The following PTGER4 variants were observed in gnomAD, a reference collection of about 807,000 sequenced individuals.
PTGER4 encodes prostaglandin E receptor 4, also known as prostaglandin E2 receptor EP4 subtype.
In PTGER4, 11 loss-of-function variants were observed where a neutral mutation model predicts 33.2. The observed-to-expected ratio is 0.33, with a 90% CI of 0.21 to 0.55. The LOEUF is 0.55. Among genes scored for constraint, PTGER4 ranks in the 20% least tolerant of loss-of-function variants. The pLI is 0.92. For synonymous variants in PTGER4, 275 were observed against 281.5 expected, an observed-to-expected ratio of 0.98 and a Z score of 0.23; for missense variants, 481 against 650.2, an observed-to-expected ratio of 0.74 and a Z score of 2.83.
the PTGER4 span, among the ~76,000 whole-genome samples, chr5:40,728,690 G>T: frequency 6.6e-6 from 1 of 152,036 alleles, no homozygotes; most frequent in South Asian, 2.1e-4. Flanking sequence ...TCCCTTTCCA[G>T]TTATTGAATC....
the PTGER4 span, among the ~76,000 whole-genome samples, chr5:40,709,359 A>T: frequency 6.6e-6 from 1 of 152,198 alleles, no homozygotes; most frequent in Non-Finnish European, 1.5e-5. Flanking sequence ...ATCAATGTGC[A>T]AAAATCACAA....
At chr5:40,740,093 T>C in the PTGER4 span, among the ~76,000 whole-genome samples, 18 of 152,174 alleles carry the variant, frequency 1.2e-4, no homozygotes, top group Non-Finnish European at 2.5e-4. Flanking sequence ...TATCCCTTCA[T>C]GCTATCTATT....
At chr5:40,708,586 C>T in the PTGER4 span, among the ~76,000 whole-genome samples, 2 of 152,116 alleles carry the variant, frequency 1.3e-5, no homozygotes, top group Non-Finnish European at 1.5e-5. Flanking sequence ...GATTCACAGC[C>T]GAATTCTACC....
At position 40,682,260 on chromosome 5, in the gene PTGER4, G is replaced by C. The variant is rs1185476196; in HGVS notation, c.867+400G>C. Among the ~76,000 whole-genome samples the C allele has an allele frequency of 2.0e-5, 3 of 152,308 alleles. 1 individual carries two copies. In the South Asian group the frequency reaches 6.2e-4, roughly 32 times the overall value. On this transcript the variant is annotated intron_variant, in intron 2 of 2. Coordinates refer to ENST00000302472, the MANE Select transcript of PTGER4 (RefSeq NM_000958.3). ...CTGTGAACTGTGAACTGCAAAACCT[G>C]AAATGTCAGGGATGGTGATCTGTTC...
chr5:40,719,320 T>C, the PTGER4 span, among the ~76,000 whole-genome samples: 6 of 152,258 alleles, frequency 3.9e-5, no homozygotes, highest in Non-Finnish European at 7.3e-5. Context: ...CATACAGCCT[T>C]TTATGTCTGG....
intron 2 of PTGER4, among the ~76,000 whole-genome samples, chr5:40,687,239 T>C (rs573902574): frequency 1.3e-5 from 2 of 152,158 alleles, no homozygotes; most frequent in South Asian, 2.1e-4. Context: ...GAGACTGGGT[T>C]TCTCCATGTT....
At chr5:40,718,610 C>T in the PTGER4 span, among the ~76,000 whole-genome samples, 2 of 151,876 alleles carry the variant, frequency 1.3e-5, no homozygotes, top group Admixed American at 6.6e-5. Flanking sequence ...CATGGTGGCA[C>T]CCTCCACGTG....
At chr5:40,694,634 G>C (rs1251323806), downstream of PTGER4, among the ~76,000 whole-genome samples, 2 of 149,700 alleles carry the variant, frequency 1.3e-5, no homozygotes, top group Non-Finnish European at 2.9e-5. Context: ...CTCCTTATAA[G>C]GACACTAGTC....
chr5:40,686,550 A>G (rs1741327734), intron 2 of PTGER4, among the ~76,000 whole-genome samples: 1 of 152,226 alleles, frequency 6.6e-6, no homozygotes, highest in South Asian at 2.1e-4. Flanking sequence ...ATAAGGGCAG[A>G]GCCAGGATTT....
At chr5:40,726,833 G>T in the PTGER4 span, among the ~76,000 whole-genome samples, 14 of 151,986 alleles carry the variant, frequency 9.2e-5, no homozygotes, top group Non-Finnish European at 1.2e-4. Flanking sequence ...AATAAGGGAG[G>T]CAAGGAAAAA....
the PTGER4 span, among the ~76,000 whole-genome samples, chr5:40,722,809 G>A: frequency 8.6e-5 from 13 of 150,936 alleles, no homozygotes; most frequent in African/African-American, 1.5e-4. Context: ...CCGCCCATCC[G>A]GGAGGTGGGG....
downstream of PTGER4, among the ~76,000 whole-genome samples, chr5:40,695,658 G>A (rs1741572318): frequency 6.6e-6 from 1 of 152,190 alleles, no homozygotes; most frequent in South Asian, 2.1e-4. Context: ...GTTGCAGTGA[G>A]CCAAGATCGG....
chr5:40,709,856 G>C, the PTGER4 span, among the ~76,000 whole-genome samples: 1 of 152,300 alleles, frequency 6.6e-6, no homozygotes, highest in African/African-American at 2.4e-5. Context: ...ATGGTGCTGG[G>C]AAAACTGGCT....
chr5:40,725,420 A>C, the PTGER4 span, among the ~76,000 whole-genome samples: 2 of 152,218 alleles, frequency 1.3e-5, no homozygotes, highest in Non-Finnish European at 2.9e-5. Context: ...TTTCTAATTA[A>C]AGATTTGCTC....
the PTGER4 span, among the ~76,000 whole-genome samples, chr5:40,743,021 T>C: frequency 6.6e-6 from 1 of 152,206 alleles, no homozygotes; most frequent in African/African-American, 2.4e-5. Context: ...GATAAATTCC[T>C]TACTGTCCTG....
the PTGER4 span, among the ~76,000 whole-genome samples, chr5:40,703,902 C>CA: frequency 9.7e-4 from 36 of 37,264 alleles, 10 homozygotes; most frequent in Non-Finnish European, 1.4e-3. Flanking sequence ...GACGCCGTCT[C>CA]AAAAAAAAAA....
rs1741196831 is a variant in PTGER4, at chr5:40,681,711, G to T, written c.718G>T (p.Gly240Cys). The T allele has an allele frequency of 1.9e-6, 3 of 1,588,542 alleles. No individual in the cohort carries two copies. Among genetic ancestry groups the T allele is most frequent in the Admixed American group, 3.5e-5 (2 of 57,862 alleles). ...AAAAASVASR[G>C]HPAASPALPR... is the part of the protein sequence containing the mutation. Reference sequence around the variant, plus strand: ...CGCGGCCGCCTCGGTTGCCTCCCGGGGCCACCCCGCTGCCTCCCCAGCCTT... The same window carrying T: ...CGCGGCCGCCTCGGTTGCCTCCCGGTGCCACCCCGCTGCCTCCCCAGCCTT... Residue 240 changes from glycine to cysteine, a missense_variant, in exon 2 of 3, where the codon GGC becomes TGC. Physicochemically the swap from Gly to Cys is radical, Grantham distance 159. Coordinates refer to ENST00000302472, the MANE Select transcript of PTGER4 (RefSeq NM_000958.3). The surrounding 1 kb of genome is among the most constrained non-coding windows in gnomAD (Gnocchi z 9.8).
the PTGER4 span, among the ~76,000 whole-genome samples, chr5:40,746,311 C>T: frequency 6.6e-6 from 1 of 152,142 alleles, no homozygotes; most frequent in Admixed American, 6.6e-5. Context: ...AAGCTATTAT[C>T]AACTTCCTGT....
At position 40,693,195 on chromosome 5, in the gene PTGER4, G is replaced by A; in HGVS notation, c.*817G>A. 2.0e-6 allele frequency: 2 copies of A among 982,514 alleles called. No individual in the cohort carries two copies. The highest frequency in any genetic ancestry group is 1.7e-5 in the African/African-American group (1 of 57,252). The allele number at this position is 982,514 out of a possible 1,614,324, so 60.9% of individuals were successfully genotyped here. A position where few individuals can be genotyped will look rare whatever the true frequency, so the allele number is the denominator to read the frequency against. On this transcript the variant is annotated 3_prime_UTR_variant, in exon 3 of 3. Coordinates refer to ENST00000302472, the MANE Select transcript of PTGER4 (RefSeq NM_000958.3). Reference sequence around the variant, plus strand: ...TATCCAGAAAACTGTGATTTCAGGAGAACCTAACATGCTGGTGAATATTTT... The same window carrying A: ...TATCCAGAAAACTGTGATTTCAGGAAAACCTAACATGCTGGTGAATATTTT...
Sources: gnomAD v4.1 joint callset for allele counts (sites outside exome capture counted in the v4.1 genomes callset) on GRCh38, gnomAD v4.1.1 for gene constraint, Gnocchi (gnomAD v3.1) non-coding constraint, MANE v1.5 for transcripts, NCBI Gene and HGNC (gene_info 2026-07-23, HGNC 2026-07-21) for gene names.